The following TENM1 variants were observed in gnomAD, a reference collection of about 807,000 sequenced individuals.
The protein encoded by TENM1 is teneurin-1.
TENM1 carries 35 observed loss-of-function variants against 174.8 expected under a neutral mutation model. The ratio of observed to expected loss-of-function variants is 0.20; its 90% confidence interval spans 0.15 to 0.27. The LOEUF (loss-of-function observed/expected upper bound fraction) is 0.27. TENM1 is among the 10% of genes least tolerant of loss of function. TENM1 has a pLI of 1.00. For missense variants in TENM1, 1,633 were observed against 2,130.1 expected (o/e 0.77, Z 4.59); for synonymous variants, 781 against 798.7 (o/e 0.98, Z 0.37).
the TENM1 span, among the ~76,000 whole-genome samples, chrX:124,988,999 A>C: frequency 8.9e-6 from 1 of 112,029 alleles, no homozygotes; most frequent in Non-Finnish European, 1.9e-5. Context: ...CATCAGAAAC[A>C]AGGAAGGGCT....
chrX:124,422,710 G>C, intron 23 of TENM1, 72 bp from the exon 27 acceptor site: 1 of 1,041,243 alleles, frequency 9.6e-7, no homozygotes, highest in Non-Finnish European at 1.3e-6. Flanking sequence ...TTGAAAAAAA[G>C]AAAAAAAAAT....
At chrX:125,042,741 T>G in the TENM1 span, among the ~76,000 whole-genome samples, 1 of 111,475 alleles carries the variant, frequency 9.0e-6, no homozygotes, top group Non-Finnish European at 1.9e-5. Flanking sequence ...ATCCTTCCTC[T>G]TTTGTAATAT....
chrX:125,014,552 GTTA>G, the TENM1 span, among the ~76,000 whole-genome samples: 6 of 111,791 alleles, frequency 5.4e-5, no homozygotes, highest in Admixed American at 2.9e-4. Flanking sequence ...ACATAATTAT[GTTA>G]TTATTATTTA....
At chrX:125,077,137 AAAAT>A in the TENM1 span, among the ~76,000 whole-genome samples, 1 of 111,776 alleles carries the variant, frequency 8.9e-6, no homozygotes, top group Non-Finnish European at 1.9e-5. Context: ...GATAAGCAAT[AAAAT>A]AATCGGAAGG....
chrX:124,985,328 CCT>C, the TENM1 span, among the ~76,000 whole-genome samples: 1 of 112,165 alleles, frequency 8.9e-6, no homozygotes, highest in Non-Finnish European at 1.9e-5. Context: ...AGCACCTGAT[CCT>C]TCAATCTTGC....
the TENM1 span, among the ~76,000 whole-genome samples, chrX:125,136,832 T>C: frequency 1.8e-5 from 2 of 112,147 alleles, no homozygotes; most frequent in South Asian, 3.7e-4. Context: ...ATTTAAAGCA[T>C]ACAGGAGAAT....
intron 11 of TENM1, among the ~76,000 whole-genome samples, chrX:124,576,893 C>T (rs1254800088): frequency 3.6e-5 from 4 of 111,479 alleles, no homozygotes; most frequent in African/African-American, 1.3e-4. Flanking sequence ...TCTAAATTAC[C>T]TACATGGTGT....
the TENM1 span, among the ~76,000 whole-genome samples, chrX:125,076,039 A>G: frequency 5.4e-5 from 6 of 112,116 alleles, no homozygotes; most frequent in East Asian, 1.7e-3. Context: ...AAACTACTAT[A>G]GAAAAAGTAA....
chrX:124,992,797 T>C, the TENM1 span, among the ~76,000 whole-genome samples: 1 of 111,948 alleles, frequency 8.9e-6, no homozygotes, highest in African/African-American at 3.2e-5. Context: ...TATATATACA[T>C]GGCTATTTAT....
At chrX:125,195,921 T>C in the TENM1 span, among the ~76,000 whole-genome samples, 2 of 109,634 alleles carry the variant, frequency 1.8e-5, no homozygotes, top group Admixed American at 9.9e-5. Flanking sequence ...CCTATTTCCT[T>C]TCTCTTAAAA....
At chrX:124,403,736 TACTTTTAA>T (rs1215711413) in intron 27 of TENM1, among the ~76,000 whole-genome samples, 2 of 110,813 alleles carry the variant, frequency 1.8e-5, no homozygotes, top group African/African-American at 6.6e-5. Context: ...CTTTGCCTTC[TACTTTTAA>T]ACTTAACTTC....
chrX:125,064,101 A>C, the TENM1 span, among the ~76,000 whole-genome samples: 1,158 of 102,187 alleles, frequency 0.011, 13 homozygotes, highest in Non-Finnish European at 0.017. Context: ...ATAGGTGGGA[A>C]TTGAACAATG....
intron 11 of TENM1, among the ~76,000 whole-genome samples, chrX:124,595,501 T>G (rs2049869026): frequency 8.9e-6 from 1 of 112,133 alleles, no homozygotes; most frequent in Non-Finnish European, 1.9e-5. Context: ...ATATGAATAC[T>G]CACTTGACAA....
the TENM1 span, among the ~76,000 whole-genome samples, chrX:125,116,882 G>A: frequency 9.1e-6 from 1 of 110,218 alleles, no homozygotes; most frequent in Non-Finnish European, 1.9e-5. Context: ...GTAGTGGTGT[G>A]CGCCTATATT....
chrX:124,820,328 GC>G (rs760086705), intron 3 of TENM1, among the ~76,000 whole-genome samples: 72 of 110,300 alleles, frequency 6.5e-4, no homozygotes, highest in African/African-American at 2.2e-3. Context: ...CCTCCCAGCC[GC>G]CCCCCCACCA....
intron 4 of TENM1, among the ~76,000 whole-genome samples, chrX:124,731,051 C>T (rs1454882252): frequency 9.0e-6 from 1 of 110,976 alleles, no homozygotes; most frequent in Non-Finnish European, 1.9e-5. Context: ...TTCAAAAGAA[C>T]AGGTGCCAAA....
At chrX:124,756,328 C>T (rs1395865973) in intron 3 of TENM1, among the ~76,000 whole-genome samples, 18 of 100,208 alleles carry the variant, frequency 1.8e-4, no homozygotes, top group African/African-American at 4.0e-4. Context: ...CGAGCCTTGG[C>T]TTTCAGCTCC....
the TENM1 span, among the ~76,000 whole-genome samples, chrX:125,147,710 T>G: frequency 9.0e-6 from 1 of 111,353 alleles, no homozygotes; most frequent in Non-Finnish European, 1.9e-5. Flanking sequence ...ACACCTGACC[T>G]GCCAATTCAT....
At chrX:124,879,021 T>C (rs994704699) in intron 3 of TENM1, among the ~76,000 whole-genome samples, 4 of 112,402 alleles carry the variant, frequency 3.6e-5, no homozygotes, top group African/African-American at 1.3e-4. Context: ...TTCATATTTA[T>C]GGGATACATG....
Sources: gnomAD v4.1 joint callset for allele counts (sites outside exome capture counted in the v4.1 genomes callset) on GRCh38, gnomAD v4.1.1 for gene constraint, MANE v1.5 for transcripts, NCBI Gene and HGNC (gene_info 2026-07-23, HGNC 2026-07-21) for gene names.